TLK2: variants seen among roughly 807,000 people sequenced by gnomAD.
TLK2 encodes tousled like kinase 2, also known as serine/threonine-protein kinase tousled-like 2.
TLK2 carries 6 observed loss-of-function variants against 117.3 expected under a neutral mutation model. That is an observed-to-expected ratio of 0.05 (90% CI 0.03 to 0.10). The LOEUF (loss-of-function observed/expected upper bound fraction) is 0.10, where lower values mean the gene tolerates loss of function less well. Among genes scored for constraint, TLK2 ranks in the 10% least tolerant of loss-of-function variants. TLK2 has a pLI of 1.00. For synonymous variants in TLK2, 257 were observed against 316.7 expected (o/e 0.81, Z 2.00); for missense variants, 299 against 901.2 (o/e 0.33, Z 8.56).
chr17:62,480,631 T>A (rs2071526776), intron 1 of TLK2, among the ~76,000 whole-genome samples: 1 of 152,248 alleles, frequency 6.6e-6, no homozygotes, highest in African/African-American at 2.4e-5. Context: ...AATAGTGATT[T>A]TGCAGTTATT....
At chr17:62,528,686 G>C (rs1314212689) in intron 6 of TLK2, among the ~76,000 whole-genome samples, 2 of 152,152 alleles carry the variant, frequency 1.3e-5, no homozygotes, top group Non-Finnish European at 2.9e-5. Context: ...CAAAGTGCTG[G>C]AATTACAGGC....
chr17:62,553,558 A>C, intron 8 of TLK2, 105 bp from the exon 9 acceptor site: 1 of 756,042 alleles, frequency 1.3e-6, no homozygotes, highest in Non-Finnish European at 2.3e-6. Flanking sequence ...CATTTGTGTG[A>C]GCAAGTGCTT....
At chr17:62,597,011 T>C (rs1157386997) in intron 17 of TLK2, among the ~76,000 whole-genome samples, 1 of 152,226 alleles carries the variant, frequency 6.6e-6, no homozygotes, top group Non-Finnish European at 1.5e-5. Context: ...TTTAAACATC[T>C]TAATTATAAT....
intron 16 of TLK2, among the ~76,000 whole-genome samples, chr17:62,590,363 C>G (rs368546574): frequency 3.9e-4 from 59 of 152,104 alleles, no homozygotes; most frequent in African/African-American, 1.4e-3. Context: ...TGCTTGAACC[C>G]AGGAGGCAGA....
intron 7 of TLK2, chr17:62,551,930 G>T (rs1306850734): frequency 9.3e-6 from 3 of 321,864 alleles, no homozygotes; most frequent in African/African-American, 2.2e-5. Flanking sequence ...TCCTTTACAT[G>T]CATCCCCTGT....
chr17:62,521,087 G>A (rs2076014674), intron 3 of TLK2, among the ~76,000 whole-genome samples: 1 of 152,140 alleles, frequency 6.6e-6, no homozygotes, highest in South Asian at 2.1e-4. Flanking sequence ...TTGCACCCGG[G>A]AGAATGAGGC....
upstream of TLK2, among the ~76,000 whole-genome samples, chr17:62,476,186 G>T (rs566079998): frequency 1.3e-5 from 2 of 151,856 alleles, no homozygotes; most frequent in Admixed American, 6.5e-5. Flanking sequence ...CACCATGTTG[G>T]CCAGGCTGGT....
chr17:62,552,420 A>G (rs773953658), intron 8 of TLK2, 23 bp downstream of exon 8: 9 of 1,614,100 alleles, frequency 5.6e-6, no homozygotes, highest in Middle Eastern at 1.7e-4. Flanking sequence ...TCGATAATCA[A>G]TTGAGGGGCA....
intron 2 of TLK2, among the ~76,000 whole-genome samples, chr17:62,496,956 CAAAAAAAAA>C (rs1156828880): frequency 9.2e-5 from 4 of 43,408 alleles, no homozygotes; most frequent in African/African-American, 3.5e-4. Flanking sequence ...GACTCCATCT[CAAAAAAAAA>C]AAAAAAAAAA....
chr17:62,500,178 T>C (rs555758489), intron 2 of TLK2, among the ~76,000 whole-genome samples: 21 of 151,788 alleles, frequency 1.4e-4, no homozygotes, highest in Non-Finnish European at 2.9e-4. Context: ...CAAGTGATCC[T>C]CCCGCCTCAG....
chr17:62,474,438 C>G (rs180854682), upstream of TLK2, among the ~76,000 whole-genome samples: 1 of 150,982 alleles, frequency 6.6e-6, no homozygotes, highest in Admixed American at 6.7e-5. Flanking sequence ...GAGAGGGCGT[C>G]TAGCTCTGTT....
At chr17:62,499,355 G>A (rs2073992254) in intron 2 of TLK2, among the ~76,000 whole-genome samples, 1 of 151,438 alleles carries the variant, frequency 6.6e-6, no homozygotes, top group African/African-American at 2.4e-5. Context: ...AAAAAGGACG[G>A]TGTTTTGCCA....
At chr17:62,574,232 G>A in intron 12 of TLK2, 1 of 1,441,644 alleles carries the variant, frequency 6.9e-7, no homozygotes, top group Non-Finnish European at 9.1e-7. Flanking sequence ...TTTCATTCTA[G>A]TGAGAAAGAT....
intron 19 of TLK2, among the ~76,000 whole-genome samples, chr17:62,603,815 T>G (rs2083048624): frequency 6.6e-6 from 1 of 152,098 alleles, no homozygotes; most frequent in African/African-American, 2.4e-5. Flanking sequence ...GTGTTACAGG[T>G]TTCTATGAAG....
intron 17 of TLK2, among the ~76,000 whole-genome samples, chr17:62,598,704 T>C (rs924460502): frequency 6.6e-6 from 1 of 152,020 alleles, no homozygotes; most frequent in Non-Finnish European, 1.5e-5. Flanking sequence ...TTTGTATTTT[T>C]AGTAGAGACA....
chr17:62,516,355 C>T, intron 2 of TLK2: 3 of 1,518,966 alleles, frequency 2.0e-6, no homozygotes, highest in Non-Finnish European at 2.7e-6. Context: ...ACAACCAAAT[C>T]CGCCTCTAAA....
chr17:62,602,201 C>T, intron 19 of TLK2, 21 bp downstream of exon 19: 1 of 1,610,904 alleles, frequency 6.2e-7, no homozygotes, highest in Non-Finnish European at 8.5e-7. Context: ...AGGAGCTCTG[C>T]CAGGTTGGCT....
chr17:62,571,409 A>G (rs1159453422), intron 11 of TLK2, among the ~76,000 whole-genome samples: 1 of 152,206 alleles, frequency 6.6e-6, no homozygotes, highest in African/African-American at 2.4e-5. Flanking sequence ...CATATTCAGT[A>G]TAGATGCAGC....
intron 13 of TLK2, 33 bp downstream of exon 13, chr17:62,576,808 T>C (rs756385101): frequency 2.0e-6 from 3 of 1,537,168 alleles, no homozygotes; most frequent in Non-Finnish European, 2.7e-6. Context: ...CCTGGAGAAA[T>C]GTGATACCTA....
Sources: allele counts gnomAD v4.1 joint callset (sites outside exome capture counted in the v4.1 genomes callset), GRCh38; gene constraint gnomAD v4.1.1; transcripts MANE v1.5; gene names NCBI Gene and HGNC (gene_info 2026-07-23, HGNC 2026-07-21).